POLD3: variants seen among roughly 807,000 people sequenced by gnomAD.
POLD3 encodes DNA polymerase delta subunit 3.
Under a neutral mutation model 58.2 loss-of-function variants are expected in POLD3, and 19 were observed. The ratio of observed to expected loss-of-function variants is 0.33; its 90% CI spans 0.23 to 0.48. The LOEUF is 0.48. POLD3 is among the 20% of genes least tolerant of loss of function. The pLI is 0.99. For synonymous variants in POLD3, 172 were observed against 193.5 expected (o/e 0.89, Z 0.92); for missense variants, 504 against 545.5 (o/e 0.92, Z 0.76).
downstream of POLD3, among the ~76,000 whole-genome samples, chr11:74,647,413 G>GTT: frequency 2.6e-5 from 1 of 38,342 alleles, no homozygotes; most frequent in East Asian, 4.2e-4. Flanking sequence ...AACCTGCAAG[G>GTT]TCTCTCCCAC....
intron 2 of POLD3, among the ~76,000 whole-genome samples, chr11:74,604,083 T>TA (rs2031592721): frequency 6.6e-6 from 1 of 152,234 alleles, no homozygotes; most frequent in South Asian, 2.1e-4. Context: ...TGAGTAATCA[T>TA]AAAATTGGAA....
chr11:74,607,659 G>A (rs1490028355), intron 3 of POLD3, among the ~76,000 whole-genome samples: 1 of 151,816 alleles, frequency 6.6e-6, no homozygotes, highest in Admixed American at 6.6e-5. Context: ...TCGGCTTACT[G>A]TAGCCTCAAT....
intron 9 of POLD3, 87 bp downstream of exon 9, chr11:74,629,410 C>G (rs2032525395): frequency 1.4e-6 from 1 of 691,692 alleles, no homozygotes; most frequent in Admixed American, 2.6e-5. Context: ...TTAAGGATCA[C>G]AATGAGAGTA....
rs185732843 is a variant in POLD3 at position 74,607,520 on chromosome 11, C to G, written c.219+2726C>G. ...TGACCTTGTGATCCACCCACCGCGGCCTCCCAAAGTGCTAGGATTACAGGC... is the reference window on the plus strand; with the variant it reads ...TGACCTTGTGATCCACCCACCGCGGGCTCCCAAAGTGCTAGGATTACAGGC... On this transcript the variant is annotated intron_variant, in intron 3 of 11. Transcript: ENST00000263681. Among the ~76,000 whole-genome samples, 763 of 151,872 alleles carry G rather than the reference C, an allele frequency of 5.0e-3. 5 individuals carry two copies. The highest frequency in any genetic ancestry group is 0.018 in the African/African-American group (742 of 41,434).
chr11:74,634,489 T>C, intron 9 of POLD3, 94 bp from the exon 10 acceptor site: 1 of 724,128 alleles, frequency 1.4e-6, no homozygotes, highest in South Asian at 1.5e-5. Context: ...TAAATCCCCT[T>C]TGCTGGACAT....
chr11:74,645,913 C>T (rs1167441048), downstream of POLD3, among the ~76,000 whole-genome samples: 1 of 151,884 alleles, frequency 6.6e-6, no homozygotes, highest in Non-Finnish European at 1.5e-5. Context: ...TTAGTTCATA[C>T]TTCCATACCG....
intron 4 of POLD3, among the ~76,000 whole-genome samples, chr11:74,655,074 G>T (rs2033116437): frequency 6.6e-6 from 1 of 152,232 alleles, no homozygotes; most frequent in Non-Finnish European, 1.5e-5. Context: ...CAACAGAAAG[G>T]AAATGCCGAG....
intron 7 of POLD3, among the ~76,000 whole-genome samples, chr11:74,624,834 A>T (rs984185839): frequency 6.6e-6 from 1 of 152,166 alleles, no homozygotes; most frequent in Non-Finnish European, 1.5e-5. Flanking sequence ...ATCTCTTTTA[A>T]TCCTTATGAT....
chr11:74,613,875 G>T (rs188868367), intron 5 of POLD3, among the ~76,000 whole-genome samples: 1 of 152,214 alleles, frequency 6.6e-6, no homozygotes, highest in Non-Finnish European at 1.5e-5. Flanking sequence ...GTTGGCAGGG[G>T]CACTTATCTC....
chr11:74,599,448 TC>T (rs1329823298), intron 2 of POLD3, among the ~76,000 whole-genome samples: 1 of 149,112 alleles, frequency 6.7e-6, no homozygotes, highest in African/African-American at 2.5e-5. Context: ...CACTGCAACC[TC>T]CACCTTCCAG....
At position 74,633,297 on chromosome 11, in the gene POLD3, C is replaced by G. The variant is rs2032649612; in HGVS notation, c.1007-1286C>G. ...CTCTTGCCTGAGCTCCCATCATGTT[C>G]TAGCCTCCCAGAGCTGGCTAATAGC... On this transcript the variant is annotated intron_variant, in intron 9 of 11. Transcript: ENST00000263681. Among the ~76,000 whole-genome samples the G allele has an allele frequency of 1.3e-5, 2 of 152,168 alleles. 1 individual carries two copies. Among genetic ancestry groups the G allele is most frequent in the South Asian group, 4.1e-4 (2 of 4,828 alleles).
intron 3 of POLD3, 62 bp from the exon 4 acceptor site, chr11:74,611,437 G>T: frequency 2.1e-6 from 2 of 954,800 alleles, no homozygotes; most frequent in Non-Finnish European, 3.4e-6. Flanking sequence ...AATTATTGGA[G>T]CAAGGAAACT....
intron 4 of POLD3, among the ~76,000 whole-genome samples, chr11:74,656,728 T>C (rs1301175870): frequency 7.5e-6 from 1 of 134,014 alleles, no homozygotes; most frequent in Non-Finnish European, 1.6e-5. Context: ...AAGAAGACAT[T>C]TGATAATATT....
chr11:74,618,101 G>T (rs2032135551), intron 5 of POLD3, among the ~76,000 whole-genome samples: 1 of 133,274 alleles, frequency 7.5e-6, no homozygotes, highest in African/African-American at 3.0e-5. Context: ...AGTCAATATT[G>T]CAAATCTAGC....
chr11:74,620,217 T>A (rs1204208625), intron 7 of POLD3, 128 bp downstream of exon 7: 2 of 700,958 alleles, frequency 2.9e-6, no homozygotes, highest in African/African-American at 3.5e-5. Context: ...CTAACAAATT[T>A]CCAGTGTACT....
intron 2 of POLD3, among the ~76,000 whole-genome samples, chr11:74,602,043 G>T (rs748933931): frequency 1.3e-5 from 2 of 152,150 alleles, no homozygotes; most frequent in African/African-American, 2.4e-5. Flanking sequence ...ACCTGTCATT[G>T]CTAGAGATTT....
intron 7 of POLD3, among the ~76,000 whole-genome samples, 171 bp downstream of exon 7, chr11:74,620,260 A>T (rs1191378286): frequency 1.3e-5 from 2 of 152,188 alleles, no homozygotes; most frequent in Non-Finnish European, 2.9e-5. Flanking sequence ...ACTCAGCTAG[A>T]ACTTTATGGG....
chr11:74,634,562 A>C (rs776450198), intron 9 of POLD3, 21 bp from the exon 10 acceptor site: 2 of 1,280,614 alleles, frequency 1.6e-6, no homozygotes, highest in Non-Finnish European at 2.3e-6. Context: ...TCTCTGATCT[A>C]AGTCCGTTTC....
rs565967029 is a variant in POLD3 at position 74,655,077 on chromosome 11, A to G, written c.370-13700A>G. On this transcript the variant is annotated intron_variant, in intron 4 of 4. Coordinates refer to the POLD3 transcript ENST00000524752. ...TGTGAGAGTGCCCAACAGAAAGGAA[A>G]TGCCGAGGCAGACTTGTGAACTGCC... 3.9e-4 allele frequency among the ~76,000 whole-genome samples: 59 copies of G among 152,364 alleles called. 2 individuals are homozygous for G. Among genetic ancestry groups the G allele is most frequent in the Admixed American group, 1.0e-3 (16 of 15,310 alleles).
Sources: allele counts gnomAD v4.1 joint callset (sites outside exome capture counted in the v4.1 genomes callset), GRCh38; gene constraint gnomAD v4.1.1; transcripts MANE v1.5; gene names NCBI Gene and HGNC (gene_info 2026-07-23, HGNC 2026-07-21).